The following APPBP2 variants were observed in gnomAD, a reference collection of about 807,000 sequenced individuals.
APPBP2 encodes the protein amyloid protein-binding protein 2.
APPBP2 carries 15 observed loss-of-function variants against 76.0 expected under a neutral mutation model. The observed-to-expected ratio is 0.20, with a 90% CI of 0.13 to 0.30. APPBP2 has a LOEUF of 0.30. Ranked by LOEUF, APPBP2 falls within the 10% of genes least tolerant of loss-of-function variation. APPBP2 has a pLI of 1.00. For missense variants in APPBP2, 401 were observed against 687.2 expected (o/e 0.58, Z 4.66); for synonymous variants, 222 against 242.2 (o/e 0.92, Z 0.77).
chr17:60,519,111 A>G (rs552592068), intron 1 of APPBP2, among the ~76,000 whole-genome samples: 1 of 150,364 alleles, frequency 6.7e-6, no homozygotes, highest in South Asian at 2.1e-4. Flanking sequence ...ACAGGCATGC[A>G]CCACCACACC....
At chr17:60,454,225 A>G in intron 11 of APPBP2, 77 bp downstream of exon 11, 2 of 1,092,580 alleles carry the variant, frequency 1.8e-6, no homozygotes, top group Non-Finnish European at 2.5e-6. Context: ...AATTTATTTG[A>G]GCTTACTTAA....
chr17:60,452,110 G>A (rs561431317), intron 11 of APPBP2, 65 bp from the exon 12 acceptor site: 3 of 1,463,842 alleles, frequency 2.0e-6, no homozygotes, highest in South Asian at 2.4e-5. Flanking sequence ...CTTACTCAAT[G>A]AGCAAAACTG....
intron 3 of APPBP2, among the ~76,000 whole-genome samples, chr17:60,493,494 T>C (rs747609110): frequency 6.6e-5 from 10 of 152,174 alleles, no homozygotes; most frequent in African/African-American, 9.7e-5. Context: ...ATATTTATCA[T>C]TTATTTTTAA....
rs2091050174 is a variant in APPBP2, at chr17:60,525,887, G to C, written c.45C>G (p.Asn15Lys). ...TGTCCACGACAGCGGAGATGGCGGT[G>C]TTATAGAGAGTCTCTGGGATCCACT... is the stretch of plus-strand genomic sequence containing the variant. The part of the protein sequence containing the change: ...ELEWIPETLY[N>K]TAISAVVDNY... The change falls in exon 1 of 13, where the codon AAC becomes AAG. Residue 15 changes from asparagine (N) to lysine (K), a missense_variant. Asn to Lys is a moderately conservative substitution (Grantham distance 94). Around this residue, in one of 5 missense-constraint regions of APPBP2, gnomAD observed 149 missense variants for 198.4 expected, o/e 0.75. Transcript: ENST00000083182. 1 of 1,614,098 alleles carries C rather than the reference G, an allele frequency of 6.2e-7. No individual in the cohort carries two copies. Among genetic ancestry groups the C allele is most frequent in the African/African-American group, 1.3e-5 (1 of 75,028 alleles).
chr17:60,496,113 G>C (rs2090773592), intron 2 of APPBP2, among the ~76,000 whole-genome samples: 1 of 152,198 alleles, frequency 6.6e-6, no homozygotes, highest in South Asian at 2.1e-4. Context: ...TGGTCAGCTA[G>C]AAACTGAGGA....
chr17:60,498,033 G>A (rs1265586050), intron 2 of APPBP2, among the ~76,000 whole-genome samples: 1 of 151,926 alleles, frequency 6.6e-6, no homozygotes. Flanking sequence ...CCAGCTACTT[G>A]GGAGTATCAC....
At chr17:60,502,159 T>C (rs1253610427) in intron 1 of APPBP2, among the ~76,000 whole-genome samples, 3 of 152,222 alleles carry the variant, frequency 2.0e-5, no homozygotes, top group Non-Finnish European at 4.4e-5. Context: ...ACTCCTGGGC[T>C]CAAGTGATCT....
intron 2 of APPBP2, 103 bp from the exon 3 acceptor site, chr17:60,494,720 G>A (rs1004974331): frequency 3.0e-5 from 33 of 1,092,942 alleles, no homozygotes; most frequent in Non-Finnish European, 3.9e-5. Context: ...TTATTTTCCA[G>A]GACGGAATAA....
In APPBP2 at chr17:60,479,207, C is replaced by A. The variant is rs1222996375; in HGVS notation, c.444G>T (p.Gln148His). The A allele has an allele frequency of 6.2e-7, 1 of 1,613,958 alleles. No individual in the cohort carries two copies. The highest frequency in any genetic ancestry group is 8.5e-7 in the Non-Finnish European group (1 of 1,179,922). ...DAEKVFLSCL[Q>H]LCTLHDEMLH... is the part of the protein sequence containing the mutation. ...GCATCTCATCGTGTAGAGTACACAA[C>A]TGAAGGCAGGACAGAAAAACTTTCT... The change falls in exon 4 of 13, where the codon CAG (glutamine) becomes CAT (histidine). Residue 148 changes from glutamine to histidine, a missense_variant. Physicochemically the swap from Gln to His is conservative, Grantham distance 24 (BLOSUM62 0). This residue lies in a region of APPBP2 where 149 missense variants were observed against 198.4 expected (regional missense o/e 0.75). Transcript: ENST00000083182.
At chr17:60,513,604 G>T in intron 1 of APPBP2, 1 of 327,100 alleles carries the variant, frequency 3.1e-6, no homozygotes, top group Non-Finnish European at 5.7e-6. Context: ...GCTCACATCT[G>T]TAATCCCAGC....
intron 4 of APPBP2, among the ~76,000 whole-genome samples, chr17:60,469,396 A>T (rs2090535087): frequency 6.6e-6 from 1 of 150,386 alleles, no homozygotes; most frequent in Non-Finnish European, 1.5e-5. Flanking sequence ...GAAAATAAAG[A>T]CCGGTATGGG....
At chr17:60,503,837 T>C (rs1010819736) in intron 1 of APPBP2, among the ~76,000 whole-genome samples, 3 of 130,940 alleles carry the variant, frequency 2.3e-5, no homozygotes, top group African/African-American at 4.6e-5. Context: ...CTGAGTCATA[T>C]ACAGTTAAAT....
chr17:60,523,023 T>A (rs1429147509), intron 1 of APPBP2, among the ~76,000 whole-genome samples: 1 of 152,084 alleles, frequency 6.6e-6, no homozygotes, highest in Non-Finnish European at 1.5e-5. Flanking sequence ...TCTGAAGCTA[T>A]TACAAAAATT....
chr17:60,492,495 C>T (rs941552062), intron 3 of APPBP2, among the ~76,000 whole-genome samples: 4 of 152,194 alleles, frequency 2.6e-5, no homozygotes, highest in Non-Finnish European at 4.4e-5. Flanking sequence ...CCCTTCAAAG[C>T]CACAGGGGCG....
At chr17:60,492,199 GCCTAGACTT>G (rs1266792542) in intron 3 of APPBP2, among the ~76,000 whole-genome samples, 5 of 152,344 alleles carry the variant, frequency 3.3e-5, no homozygotes, top group Admixed American at 3.3e-4. Context: ...GGGAACCTCT[GCCTAGACTT>G]CAGAATGTAT....
At chr17:60,461,781 A>G in intron 8 of APPBP2, 29 bp downstream of exon 8, 2 of 1,522,922 alleles carry the variant, frequency 1.3e-6, no homozygotes, top group Non-Finnish European at 9.0e-7. Flanking sequence ...ATACAGGTTG[A>G]AAGAAAAAAA....
At chr17:60,524,147 C>T (rs2091031596) in intron 1 of APPBP2, among the ~76,000 whole-genome samples, 1 of 152,186 alleles carries the variant, frequency 6.6e-6, no homozygotes, top group East Asian at 1.9e-4. Flanking sequence ...TCTATTCATA[C>T]TAATAATCTT....
At chr17:60,509,365 C>T (rs1303491056) in intron 1 of APPBP2, among the ~76,000 whole-genome samples, 1 of 148,960 alleles carries the variant, frequency 6.7e-6, no homozygotes, top group African/African-American at 2.5e-5. Flanking sequence ...GGCGACAGAG[C>T]GAGACTCCGT....
At chr17:60,451,778 C>T (rs2090397249) in intron 12 of APPBP2, 102 bp downstream of exon 12, 1 of 1,066,268 alleles carries the variant, frequency 9.4e-7, no homozygotes, top group Non-Finnish European at 1.3e-6. Flanking sequence ...CGCACCCAGC[C>T]CCATTTAAGT....
Sources: gnomAD v4.1 joint callset for allele counts (sites outside exome capture counted in the v4.1 genomes callset) on GRCh38, gnomAD v4.1.1 for gene constraint, gnomAD v4.1.1 regional missense constraint, MANE v1.5 for transcripts, NCBI Gene and HGNC (gene_info 2026-07-23, HGNC 2026-07-21) for gene names.